Variants in CEP112 observed in about 807,000 individuals in gnomAD.
CEP112 encodes the protein centrosomal protein 112.
In CEP112, 127 loss-of-function variants were observed where a neutral mutation model predicts 153.0. That is an observed-to-expected ratio of 0.83 (90% CI 0.72 to 0.96). The LOEUF (loss-of-function observed/expected upper bound fraction) is 0.96, where lower values mean the gene tolerates loss of function less well. CEP112 is among the 40% of genes least tolerant of loss of function. The pLI, the probability that CEP112 is intolerant of heterozygous loss-of-function variation, is 0.00. For synonymous variants in CEP112, 358 were observed against 374.4 expected (o/e 0.96, Z 0.51); for missense variants, 1,089 against 1,101.2 (o/e 0.99, Z 0.16).
chr17:65,916,250 AGTGTGTGT>A (rs3222034), intron 19 of CEP112, among the ~76,000 whole-genome samples: 56 of 129,958 alleles, frequency 4.3e-4, no homozygotes, highest in East Asian at 1.2e-3. Context: ...TTTGAAAAAG[AGTGTGTGT>A]GTGTGTGTGT....
chr17:65,795,002 G>T (rs368792099), intron 21 of CEP112, among the ~76,000 whole-genome samples: 1 of 152,180 alleles, frequency 6.6e-6, no homozygotes, highest in Non-Finnish European at 1.5e-5. Flanking sequence ...TTCAACAAAC[G>T]TGTTGAAAGA....
At chr17:65,821,514 T>TTATATATATATATATATATAATTATA (rs2056550320) in intron 21 of CEP112, among the ~76,000 whole-genome samples, 1 of 50,184 alleles carries the variant, frequency 2.0e-5, no homozygotes, top group Non-Finnish European at 3.4e-5. Flanking sequence ...ATATATATAA[T>TTATATATATATATATATATAATTATA]TATATATATA....
chr17:66,130,495 G>A (rs1045439151), intron 5 of CEP112, among the ~76,000 whole-genome samples: 1 of 152,042 alleles, frequency 6.6e-6, no homozygotes, highest in Non-Finnish European at 1.5e-5. Context: ...CACAATTATG[G>A]TTGGGCACAG....
chr17:65,738,491 A>T (rs2050932248), intron 23 of CEP112, among the ~76,000 whole-genome samples: 1 of 152,206 alleles, frequency 6.6e-6, no homozygotes, highest in Non-Finnish European at 1.5e-5. Context: ...AATCAATAGT[A>T]TTCATTTCAA....
chr17:65,642,078 T>C (rs539363774), intron 24 of CEP112, among the ~76,000 whole-genome samples: 2 of 152,342 alleles, frequency 1.3e-5, no homozygotes, highest in Non-Finnish European at 2.9e-5. Context: ...TGGAAGAATA[T>C]GCCTGAGCAG....
rs189899480 is a variant in CEP112, at chr17:66,052,099, G to C, written c.1218+1637C>G. ...CTGTATTGAAAGTGAAGAACAGAAT[G>C]AATGTACAGATGGATGGTCCCCAGC... On this transcript the variant is annotated intron_variant, in intron 12 of 26. Transcript: ENST00000535342. Among the ~76,000 whole-genome samples the C allele has an allele frequency of 2.6e-3, 397 of 152,284 alleles. 1 individual carries two copies. The highest frequency in any genetic ancestry group is 9.2e-3 in the African/African-American group (381 of 41,576).
At chr17:65,946,217 G>C (rs1350313864) in intron 18 of CEP112, among the ~76,000 whole-genome samples, 1 of 152,012 alleles carries the variant, frequency 6.6e-6, no homozygotes, top group Non-Finnish European at 1.5e-5. Flanking sequence ...TGTTTTTTAT[G>C]CCTTTTTGTT....
chr17:66,070,537 T>C (rs1365578453), intron 8 of CEP112, among the ~76,000 whole-genome samples: 2 of 152,132 alleles, frequency 1.3e-5, no homozygotes, highest in African/African-American at 4.8e-5. Context: ...TCTCCCGGAA[T>C]CATAGACCCC....
intron 8 of CEP112, among the ~76,000 whole-genome samples, chr17:66,093,584 CAA>C (rs564176516): frequency 1.5e-5 from 2 of 131,598 alleles, no homozygotes; most frequent in Admixed American, 7.6e-5. Flanking sequence ...TACTAGGTAC[CAA>C]AAAAAAAAAA....
intron 19 of CEP112, among the ~76,000 whole-genome samples, chr17:65,920,400 T>TATATATATAA (rs1254685722): frequency 8.8e-6 from 1 of 113,848 alleles, no homozygotes; most frequent in Non-Finnish European, 1.8e-5. Context: ...TATATATATA[T>TATATATATAA]ATATAATTAT....
At chr17:65,840,964 T>A (rs887616428) in intron 21 of CEP112, among the ~76,000 whole-genome samples, 2 of 151,890 alleles carry the variant, frequency 1.3e-5, no homozygotes, top group Non-Finnish European at 2.9e-5. Context: ...GGATATCTCA[T>A]CCACTTAAAA....
chr17:66,072,677 C>T (rs1306170336), intron 8 of CEP112, among the ~76,000 whole-genome samples: 1 of 152,142 alleles, frequency 6.6e-6, no homozygotes, highest in African/African-American at 2.4e-5. Context: ...TTGGTTAAGA[C>T]AGTGAGCACC....
At chr17:65,868,431 T>C (rs2058552057) in intron 20 of CEP112, among the ~76,000 whole-genome samples, 1 of 150,746 alleles carries the variant, frequency 6.6e-6, no homozygotes, top group African/African-American at 2.4e-5. Flanking sequence ...GCCCAGGAGA[T>C]AAAGGTTGCA....
At chr17:65,650,893 C>T (rs1446231742) in intron 24 of CEP112, among the ~76,000 whole-genome samples, 1 of 151,688 alleles carries the variant, frequency 6.6e-6, no homozygotes, top group Non-Finnish European at 1.5e-5. Flanking sequence ...CTCTCTCTCG[C>T]TCTCTTTTTT....
chr17:66,174,865 T>C (rs1003854262), intron 4 of CEP112, among the ~76,000 whole-genome samples, 179 bp downstream of exon 4: 2 of 152,170 alleles, frequency 1.3e-5, no homozygotes, highest in African/African-American at 4.8e-5. Flanking sequence ...ATCAAAAATA[T>C]ATATGAAGTT....
rs187890736 is a variant in CEP112 at position 65,766,775 on chromosome 17, T to C, written c.2395-16051A>G. 8.2e-3 allele frequency among the ~76,000 whole-genome samples: 1,235 copies of C among 151,000 alleles called. 13 individuals carry two copies. Among genetic ancestry groups the C allele is most frequent in the South Asian group, 0.02 (96 of 4,772 alleles). Reference sequence around the variant, plus strand: ...TAAAATAGACATCAAGTCAAAAACTTTCATAAGAGACAAAAAAGTCACTAA... The same window carrying C: ...TAAAATAGACATCAAGTCAAAAACTCTCATAAGAGACAAAAAAGTCACTAA... On this transcript the variant is annotated intron_variant, in intron 21 of 26. Coordinates refer to ENST00000535342, the MANE Select transcript of CEP112 (RefSeq NM_001199165.4).
chr17:66,031,700 A>AATTC (rs1476862966), intron 12 of CEP112, among the ~76,000 whole-genome samples: 2 of 151,772 alleles, frequency 1.3e-5, no homozygotes, highest in Non-Finnish European at 2.9e-5. Context: ...GGCCTCATGC[A>AATTC]ATTCACCCTT....
In CEP112 at chr17:65,726,385, T is replaced by C. The variant is rs1037340716; in HGVS notation, c.2607+16683A>G. ...GATTAATAACAGGACCTCATGAAAG[T>C]GTAAGGTTCTTGAGGACTGGGGCAA... On this transcript the variant is annotated intron_variant, in intron 23 of 26. Transcript: ENST00000535342. Among the ~76,000 whole-genome samples the C allele has an allele frequency of 5.3e-5, 8 of 151,908 alleles. 1 individual carries two copies. In the South Asian group the frequency reaches 8.3e-4, roughly 16 times the overall value.
rs761806953 is a variant in CEP112 at position 66,176,935 on chromosome 17, G to A, written c.192C>T (p.Asn64=). Reference sequence around the variant, plus strand: ...TATGCAATAACAATTTTGCATACAGGTTCCGATTCTTCCTCCCCATTATTC... The same window carrying A: ...TATGCAATAACAATTTTGCATACAGATTCCGATTCTTCCTCCCCATTATTC... ...GAGIMGRKNR[N]LYAKLLLHML... Residue 64 remains asparagine (N), a synonymous_variant, in exon 3 of 27, where the codon AAC becomes AAT. Transcript: ENST00000535342. The A allele has an allele frequency of 3.1e-6, 5 of 1,613,874 alleles. No individual in the cohort carries two copies. Among genetic ancestry groups the A allele is most frequent in the Non-Finnish European group, 2.5e-6 (3 of 1,179,880 alleles).
Sources: gnomAD v4.1 joint callset for allele counts (sites outside exome capture counted in the v4.1 genomes callset) on GRCh38, gnomAD v4.1.1 for gene constraint, MANE v1.5 for transcripts, NCBI Gene and HGNC (gene_info 2026-07-23, HGNC 2026-07-21) for gene names.